The following ABCA4 variants were observed in gnomAD, a reference collection of about 807,000 sequenced individuals.
ABCA4 encodes retinal-specific phospholipid-transporting ATPase ABCA4.
ABCA4 carries 196 observed loss-of-function variants against 263.7 expected under a neutral mutation model. The observed-to-expected ratio is 0.74, with a 90% CI of 0.66 to 0.84. The LOEUF is 0.84. Ranked by LOEUF, ABCA4 falls within the 40% of genes least tolerant of loss-of-function variation. ABCA4 has a pLI of 0.00. For synonymous variants in ABCA4, 1,133 were observed against 1,094.2 expected (o/e 1.04, Z -0.70); for missense variants, 2,792 against 2,855.1 (o/e 0.98, Z 0.50).
At chr1:94,109,471 G>A (rs543358306) in intron 3 of ABCA4, among the ~76,000 whole-genome samples, 4 of 152,340 alleles carry the variant, frequency 2.6e-5, no homozygotes, top group Admixed American at 2.0e-4. Context: ...CAAGGCTGAT[G>A]GGACAGGGAG....
At chr1:94,044,547 G>A (rs2101053250) in intron 20 of ABCA4, 66 bp downstream of exon 20, 1 of 1,613,410 alleles carries the variant, frequency 6.2e-7, no homozygotes, top group South Asian at 1.1e-5. Context: ...CTGGGCTCTA[G>A]AGAAGTGTGC....
At chr1:94,080,765 A>G in intron 7 of ABCA4, 47 bp from the exon 8 acceptor site, 1 of 1,613,604 alleles carries the variant, frequency 6.2e-7, no homozygotes. Flanking sequence ...AGCTAGAGTC[A>G]TAATCTGCTG....
chr1:94,073,382 A>G (rs904970894), intron 11 of ABCA4, among the ~76,000 whole-genome samples: 1 of 152,050 alleles, frequency 6.6e-6, no homozygotes, highest in Non-Finnish European at 1.5e-5. Flanking sequence ...GCCCCGGAGG[A>G]TGTGATTTGC....
chr1:94,114,374 C>G (rs1314061591), intron 1 of ABCA4, among the ~76,000 whole-genome samples: 1 of 152,138 alleles, frequency 6.6e-6, no homozygotes, highest in East Asian at 1.9e-4. Context: ...GATTATGTAG[C>G]TGTAACTTTT....
Position 94,046,472 on chromosome 1 carries a change from A to AAAAAG in ABCA4, c.2918+442_2918+446dup, listed in dbSNP as rs1294161789. On this transcript the variant is annotated intron_variant, in intron 19 of 49. Coordinates refer to ENST00000370225, the MANE Select transcript of ABCA4 (RefSeq NM_000350.3). ...TACTATCTCAAAAAAAAAAAAAAAA[A>AAAAAG]AAAAGAAAAGAAAAGAGAAAGGAAA... Among the ~76,000 whole-genome samples, 5 of 148,724 alleles carry AAAAAG rather than the reference A, an allele frequency of 3.4e-5. No individual in the cohort carries two copies. In the South Asian group the frequency reaches 8.6e-4, roughly 25 times the overall value.
rs1661664193 is a variant in ABCA4 at position 94,080,569 on chromosome 1, G to C, written c.1008C>G (p.Ser336=). 2 of 1,614,058 alleles carry C rather than the reference G, an allele frequency of 1.2e-6. No individual in the cohort carries two copies. Among genetic ancestry groups the C allele is most frequent in the African/African-American group, 2.7e-5 (2 of 74,914 alleles). ...AGTTATTGTCTTCATACCAGTTGAA[G>C]GAGAGCACCCGAGAGCCACCTCCCT... ...YPEGGGSRVL[S]FNWYEDNNYK... Residue 336 remains serine (S), a synonymous_variant, in exon 8 of 50, where the codon TCC becomes TCG. Coordinates refer to ENST00000370225, the MANE Select transcript of ABCA4 (RefSeq NM_000350.3).
chr1:94,102,259 C>T (rs1244519536), intron 5 of ABCA4, among the ~76,000 whole-genome samples: 3 of 152,004 alleles, frequency 2.0e-5, no homozygotes, highest in Non-Finnish European at 4.4e-5. Flanking sequence ...AGAAATGTGC[C>T]AGGGGATAGA....
At position 94,056,764 on chromosome 1, in the gene ABCA4, A is replaced by G; in HGVS notation, c.2219T>C (p.Phe740Ser). Residue 740 changes from phenylalanine (F) to serine (S), a missense_variant, in exon 15 of 50, where the codon TTC becomes TCC. Phe to Ser is a radical substitution (Grantham distance 155, BLOSUM62 -2). Coordinates refer to ENST00000370225, the MANE Select transcript of ABCA4 (RefSeq NM_000350.3). Reference sequence around the variant, plus strand: ...GCACAGCATGATGGTGGCAGTGGAGAAAGCCAACAAGAACAGGAAGAGGAT... The same window carrying G: ...GCACAGCATGATGGTGGCAGTGGAGGAAGCCAACAAGAACAGGAAGAGGAT... ...PFILFLFLLA[F>S]STATIMLCFL... The G allele has an allele frequency of 3.7e-6, 6 of 1,613,514 alleles. No homozygotes were observed. Among genetic ancestry groups the G allele is most frequent in the Non-Finnish European group, 5.1e-6 (6 of 1,179,700 alleles).
intron 11 of ABCA4, among the ~76,000 whole-genome samples, chr1:94,067,606 A>G (rs554543938): frequency 3.5e-4 from 54 of 152,238 alleles, no homozygotes; most frequent in Non-Finnish European, 7.3e-4. Flanking sequence ...ATCTGTTGCC[A>G]TTTCCTAATT....
chr1:94,066,318 T>A (rs1661265408), intron 11 of ABCA4, among the ~76,000 whole-genome samples: 1 of 152,218 alleles, frequency 6.6e-6, no homozygotes, highest in African/African-American at 2.4e-5. Flanking sequence ...TGCATTTAAA[T>A]TTGCTTTAGG....
In ABCA4 at chr1:94,021,900, C is replaced by CCCCG. The variant is rs1340989734; in HGVS notation, c.4715_4718dup (p.Glu1574GlyfsTer24). Reference sequence around the variant, plus strand: ...CGCTTAAAAACCCAACAAGTGCTTCCCCCGTGATGGGGACGACTGGGAGCT... The same window carrying CCCCG: ...CGCTTAAAAACCCAACAAGTGCTTCCCCCGCCCGTGATGGGGACGACTGGGAGCT... On this transcript the variant is annotated frameshift_variant, in exon 33 of 50. Transcript: ENST00000370225. LOFTEE classifies it high-confidence loss of function. The CCCCG allele has an allele frequency of 1.9e-6, 3 of 1,614,190 alleles. No individual in the cohort carries two copies. The Admixed American group carries it at 5.0e-5, about 27-fold the overall frequency.
rs372199988 is a variant in ABCA4 at position 94,062,561 on chromosome 1, C to T, written c.1937+16G>A. 1,818 of 1,614,024 alleles carry T rather than the reference C, an allele frequency of 1.1e-3. 2 individuals carry two copies. Among genetic ancestry groups the T allele is most frequent in the Non-Finnish European group, 1.4e-3 (1,691 of 1,179,976 alleles). On this transcript the variant is annotated intron_variant, in intron 13 of 49. Coordinates refer to ENST00000370225, the MANE Select transcript of ABCA4 (RefSeq NM_000350.3). ...ATTAGCGTGTCATGGAGGAGGATCG[C>T]GAACTTCAGACTCACGAATCGTCCA...
intron 42 of ABCA4, among the ~76,000 whole-genome samples, 179 bp from the exon 43 acceptor site, chr1:94,007,919 G>A (rs1237874548): frequency 3.3e-5 from 5 of 152,066 alleles, no homozygotes; most frequent in Admixed American, 6.6e-5. Context: ...CAGTTGACAC[G>A]GGCCCTGAGT....
rs182475566 is a variant in ABCA4 at position 94,090,889 on chromosome 1, A to T, written c.769-7448T>A. Among the ~76,000 whole-genome samples, 571 of 152,312 alleles carry T rather than the reference A, an allele frequency of 3.7e-3. 7 individuals carry two copies. Among genetic ancestry groups the T allele is most frequent in the Non-Finnish European group, 3.7e-3 (254 of 68,024 alleles). On this transcript the variant is annotated intron_variant, in intron 6 of 49. Transcript: ENST00000370225. ...ATGAGGGCTATATATAGCAGTCATC[A>T]TGGTGACTTACAGGGAGGGAGCAGT...
intron 24 of ABCA4, 127 bp downstream of exon 24, chr1:94,039,916 T>A: frequency 1.3e-6 from 1 of 789,890 alleles, no homozygotes; most frequent in South Asian, 1.5e-5. Flanking sequence ...AAAGAACAAC[T>A]GTGTGACCTG....
chr1:94,058,472 C>T (rs1454869509), intron 14 of ABCA4, among the ~76,000 whole-genome samples: 1 of 152,186 alleles, frequency 6.6e-6, no homozygotes, highest in African/African-American at 2.4e-5. Context: ...AGGGATTCTC[C>T]TTGCTCAGTC....
intron 29 of ABCA4, 118 bp downstream of exon 29, chr1:94,030,310 G>T: frequency 1.2e-6 from 1 of 862,576 alleles, no homozygotes; most frequent in Non-Finnish European, 1.9e-6. Context: ...CAGAGACATG[G>T]AAGTGACCAG....
intron 6 of ABCA4, among the ~76,000 whole-genome samples, chr1:94,091,810 T>C (rs1163244921): frequency 6.6e-6 from 1 of 152,240 alleles, no homozygotes; most frequent in East Asian, 1.9e-4. Flanking sequence ...CTTTAGGCCT[T>C]GATCCTGTGC....
At chr1:94,042,527 T>C (rs1660521210) in intron 22 of ABCA4, among the ~76,000 whole-genome samples, 1 of 152,174 alleles carries the variant, frequency 6.6e-6, no homozygotes, top group Non-Finnish European at 1.5e-5. Flanking sequence ...CAAGAGAATT[T>C]TCTAAAATAT....
Sources: allele counts gnomAD v4.1 joint callset (sites outside exome capture counted in the v4.1 genomes callset), GRCh38; gene constraint gnomAD v4.1.1; transcripts MANE v1.5; gene names NCBI Gene and HGNC (gene_info 2026-07-23, HGNC 2026-07-21).